The following HMBOX1 variants were observed in gnomAD, a reference collection of about 807,000 sequenced individuals.
The protein encoded by HMBOX1 is homeobox-containing protein 1.
A neutral mutation model predicts 54.5 loss-of-function variants in HMBOX1; 14 were observed. That is an observed-to-expected ratio of 0.26 (90% CI 0.17 to 0.40). The LOEUF is 0.40. HMBOX1 is among the 10% of genes least tolerant of loss of function. The pLI is 1.00. For missense variants in HMBOX1, 332 were observed against 514.4 expected, an observed-to-expected ratio of 0.65 and a Z score of 3.43; for synonymous variants, 160 against 181.0, an observed-to-expected ratio of 0.88 and a Z score of 0.93.
chr8:28,957,866 G>A (rs1414108394), intron 1 of HMBOX1, among the ~76,000 whole-genome samples: 1 of 151,880 alleles, frequency 6.6e-6, no homozygotes, highest in African/African-American at 2.4e-5. Flanking sequence ...CAAGTGGTTC[G>A]CCCGCCTCAG....
intron 4 of HMBOX1, among the ~76,000 whole-genome samples, chr8:28,991,141 T>G (rs1317962626): frequency 6.6e-6 from 1 of 152,248 alleles, no homozygotes; most frequent in African/African-American, 2.4e-5. Context: ...CTTACACTGC[T>G]CATAATTTAC....
At chr8:29,022,923 TG>T (rs1319501690) in intron 6 of HMBOX1, among the ~76,000 whole-genome samples, 1 of 152,128 alleles carries the variant, frequency 6.6e-6, no homozygotes, top group Non-Finnish European at 1.5e-5. Context: ...AAATTAAACC[TG>T]TATATCAAAA....
At chr8:29,019,003 G>GT in intron 6 of HMBOX1, 90 bp downstream of exon 6, 1 of 1,148,584 alleles carries the variant, frequency 8.7e-7, no homozygotes, top group Non-Finnish European at 1.3e-6. Context: ...TTTCAAACAA[G>GT]TAACTTGGTA....
chr8:28,891,284 CT>C (rs1810881174), intron 1 of HMBOX1: 1 of 152,334 alleles, frequency 6.6e-6, no homozygotes, highest in Non-Finnish European at 1.5e-5. Context: ...GCCCCCTCCC[CT>C]GGACGAATCT....
chr8:28,978,037 A>G (rs1323784477), intron 3 of HMBOX1, among the ~76,000 whole-genome samples: 3 of 152,204 alleles, frequency 2.0e-5, no homozygotes, highest in Non-Finnish European at 4.4e-5. Context: ...AGTATGAGAA[A>G]TTTTACTGCA....
At chr8:28,998,483 TA>T (rs1398743331) in intron 4 of HMBOX1, among the ~76,000 whole-genome samples, 14 of 152,148 alleles carry the variant, frequency 9.2e-5, no homozygotes, top group African/African-American at 3.4e-4. Flanking sequence ...CTCATTTGGT[TA>T]TTTTTATATG....
intron 7 of HMBOX1, among the ~76,000 whole-genome samples, chr8:29,046,906 CAG>C (rs996624748): frequency 2.0e-5 from 3 of 152,182 alleles, no homozygotes; most frequent in African/African-American, 7.2e-5. Flanking sequence ...CACTTGAGCC[CAG>C]GAGGTCAAGG....
intron 4 of HMBOX1, among the ~76,000 whole-genome samples, chr8:28,994,521 A>G (rs531337431): frequency 1.2e-4 from 19 of 152,328 alleles, no homozygotes; most frequent in African/African-American, 3.8e-4. Context: ...AAGATTCTAC[A>G]CTACTGTTAA....
chr8:28,989,734 A>C (rs1830701693), intron 4 of HMBOX1, among the ~76,000 whole-genome samples: 1 of 152,224 alleles, frequency 6.6e-6, no homozygotes, highest in African/African-American at 2.4e-5. Context: ...CAGTTTCTAC[A>C]AAAAGCACAT....
intron 1 of HMBOX1, among the ~76,000 whole-genome samples, chr8:28,899,201 A>G (rs1267632911): frequency 2.0e-5 from 3 of 152,232 alleles, no homozygotes; most frequent in Non-Finnish European, 2.9e-5. Context: ...CCCTGGATAC[A>G]TGAACGTACT....
chr8:29,009,925 G>T (rs961183357), intron 5 of HMBOX1: 1 of 1,107,470 alleles, frequency 9.0e-7, no homozygotes, highest in African/African-American at 1.7e-5. Flanking sequence ...TTAAGATTGG[G>T]TTGCGTTCTG....
chr8:28,983,976 A>G (rs1014238763), intron 4 of HMBOX1, among the ~76,000 whole-genome samples: 6 of 152,212 alleles, frequency 3.9e-5, no homozygotes, highest in Admixed American at 6.5e-5. Context: ...CCAGCCATCA[A>G]GCTAAACTCA....
At chr8:29,040,796 GTCT>G (rs1275884412) in intron 6 of HMBOX1, among the ~76,000 whole-genome samples, 2 of 151,864 alleles carry the variant, frequency 1.3e-5, no homozygotes, top group Non-Finnish European at 2.9e-5. Flanking sequence ...TTTTACTCTG[GTCT>G]TCTTTATTTT....
chr8:28,942,037 A>G (rs998762224), intron 1 of HMBOX1, among the ~76,000 whole-genome samples: 2 of 152,162 alleles, frequency 1.3e-5, no homozygotes, highest in Admixed American at 6.5e-5. Flanking sequence ...TGTGGTACCT[A>G]TCAATGCCAC....
intron 1 of HMBOX1, among the ~76,000 whole-genome samples, chr8:28,962,597 A>G (rs1825791614): frequency 6.6e-6 from 1 of 152,068 alleles, no homozygotes; most frequent in Admixed American, 6.5e-5. Flanking sequence ...CTAATTCCCT[A>G]AATAAATCTC....
At chr8:28,962,324 T>C (rs1354913734) in intron 1 of HMBOX1, among the ~76,000 whole-genome samples, 2 of 152,224 alleles carry the variant, frequency 1.3e-5, no homozygotes, top group African/African-American at 4.8e-5. Flanking sequence ...GTTACATAAA[T>C]TTGTATCAGT....
intron 1 of HMBOX1, among the ~76,000 whole-genome samples, chr8:28,937,287 A>G (rs1443200568): frequency 6.6e-6 from 1 of 152,200 alleles, no homozygotes; most frequent in African/African-American, 2.4e-5. Context: ...GTTAATGTTT[A>G]TTCCTAATCT....
intron 1 of HMBOX1, among the ~76,000 whole-genome samples, chr8:28,906,954 A>G (rs1053243143): frequency 5.3e-5 from 8 of 152,228 alleles, no homozygotes; most frequent in Admixed American, 2.6e-4. Context: ...AAGATGGTAA[A>G]TTGCAAGTCA....
intron 1 of HMBOX1, among the ~76,000 whole-genome samples, chr8:28,919,996 T>A (rs1563388174): frequency 2.6e-5 from 4 of 152,024 alleles, no homozygotes. Flanking sequence ...TGTGTGTGTG[T>A]GTGTGTTTTT....
Sources: allele counts gnomAD v4.1 joint callset (sites outside exome capture counted in the v4.1 genomes callset), GRCh38; gene constraint gnomAD v4.1.1; transcripts MANE v1.5; gene names NCBI Gene and HGNC (gene_info 2026-07-23, HGNC 2026-07-21).